Variants in TUSC3 observed in about 807,000 individuals in gnomAD.
TUSC3 encodes the protein tumor suppressor candidate 3.
In TUSC3, 45 loss-of-function variants were observed where a neutral mutation model predicts 44.8. That is an observed-to-expected ratio of 1.00 (90% CI 0.79 to 1.29). The LOEUF is 1.29. Among genes scored for constraint, TUSC3 ranks in the 50% most tolerant of loss-of-function variants. The pLI, the probability that TUSC3 is intolerant of heterozygous loss-of-function variation, is 0.00. For synonymous variants in TUSC3, 212 were observed against 152.9 expected, an observed-to-expected ratio of 1.39 and a Z score of -2.85; for missense variants, 519 against 437.9, an observed-to-expected ratio of 1.19 and a Z score of -1.65.
intron 5 of TUSC3, among the ~76,000 whole-genome samples, chr8:15,668,597 C>G (rs1488257257): frequency 6.6e-6 from 1 of 151,678 alleles, no homozygotes; most frequent in Non-Finnish European, 1.5e-5. Context: ...CTTTGATGAA[C>G]ATATGTCCAA....
intron 1 of TUSC3, among the ~76,000 whole-genome samples, chr8:15,434,909 C>T (rs944643977): frequency 2.6e-5 from 4 of 151,642 alleles, no homozygotes; most frequent in African/African-American, 4.9e-5. Flanking sequence ...TGTATATGTG[C>T]CACATTTTCT....
chr8:15,756,396 T>C (rs1811929793), intron 9 of TUSC3, among the ~76,000 whole-genome samples: 1 of 152,120 alleles, frequency 6.6e-6, no homozygotes, highest in Admixed American at 6.5e-5. Context: ...ATGTAGTAGG[T>C]TCTCAATAAA....
intron 6 of TUSC3, among the ~76,000 whole-genome samples, chr8:15,724,045 C>T (rs1810406449): frequency 6.6e-6 from 1 of 152,082 alleles, no homozygotes; most frequent in Non-Finnish European, 1.5e-5. Context: ...TAAATAAGCT[C>T]ATGAGAGAAG....
chr8:15,478,225 C>T (rs1424478180), intron 1 of TUSC3, among the ~76,000 whole-genome samples: 1 of 152,152 alleles, frequency 6.6e-6, no homozygotes, highest in Non-Finnish European at 1.5e-5. Flanking sequence ...CTCAGCCTCC[C>T]AAAGTGCTGG....
the TUSC3 span, among the ~76,000 whole-genome samples, chr8:15,825,774 G>A: frequency 6.6e-6 from 1 of 151,842 alleles, no homozygotes; most frequent in African/African-American, 2.4e-5. Flanking sequence ...TTTTGCCCAG[G>A]TATTTTGTTG....
chr8:15,841,519 A>T, the TUSC3 span, among the ~76,000 whole-genome samples: 293 of 146,544 alleles, frequency 2.0e-3, 1 homozygote, highest in African/African-American at 2.7e-3. Context: ...ATGAGACAAA[A>T]TTTTTTTTTT....
the TUSC3 span, among the ~76,000 whole-genome samples, chr8:15,786,646 A>G: frequency 6.6e-6 from 1 of 152,042 alleles, no homozygotes; most frequent in East Asian, 1.9e-4. Flanking sequence ...AAAACTCATT[A>G]AAGATAGACT....
intron 6 of TUSC3, among the ~76,000 whole-genome samples, chr8:15,722,350 T>C (rs1325641759): frequency 6.6e-6 from 1 of 151,944 alleles, no homozygotes; most frequent in Admixed American, 6.6e-5. Flanking sequence ...TCCATTTTAC[T>C]ATCAGGACAG....
intron 1 of TUSC3, among the ~76,000 whole-genome samples, chr8:15,616,963 C>T (rs569025529): frequency 6.6e-6 from 1 of 152,234 alleles, no homozygotes; most frequent in Non-Finnish European, 1.5e-5. Context: ...CCCAGCAAAG[C>T]CTGATCAGAG....
intron 2 of TUSC3, among the ~76,000 whole-genome samples, chr8:15,508,327 C>T (rs920154958): frequency 1.3e-5 from 2 of 151,866 alleles, no homozygotes; most frequent in Admixed American, 1.3e-4. Flanking sequence ...GATGTGATAT[C>T]CTATTAACTG....
chr8:15,662,163 T>G lies in TUSC3; in HGVS notation c.575T>G (p.Val192Gly), dbSNP rs2129180003. 1 of 1,612,844 alleles carries G rather than the reference T, an allele frequency of 6.2e-7. No homozygotes were observed. The highest frequency in any genetic ancestry group is 1.3e-5 in the African/African-American group (1 of 74,954). ...TCTATTGCATTTTTGCAGATTCGGGTTTTCAGACCACCCAACTACTCTGGT... is the reference window on the plus strand; with the variant it reads ...TCTATTGCATTTTTGCAGATTCGGGGTTTCAGACCACCCAACTACTCTGGT... ...IADRTDVHIRVFRPPNYSGTI... is the reference protein window; with the variant it reads ...IADRTDVHIRGFRPPNYSGTI... The change falls in exon 5 of 11, where the codon GTT becomes GGT. Residue 192 changes from valine to glycine, a missense_variant. Val to Gly is a moderately radical substitution (Grantham distance 109). Transcript: ENST00000503731.
chr8:15,747,034 T>C (rs1181972812), intron 8 of TUSC3, among the ~76,000 whole-genome samples: 1 of 152,100 alleles, frequency 6.6e-6, no homozygotes, highest in Non-Finnish European at 1.5e-5. Context: ...GAGGCTACAC[T>C]TGGATGCTAT....
chr8:15,774,434 T>C, the TUSC3 span, among the ~76,000 whole-genome samples: 1 of 152,036 alleles, frequency 6.6e-6, no homozygotes, highest in Non-Finnish European at 1.5e-5. Flanking sequence ...CATATAAAGA[T>C]GGATGATTCG....
the TUSC3 span, among the ~76,000 whole-genome samples, chr8:15,783,409 T>C: frequency 1.3e-5 from 2 of 152,148 alleles, no homozygotes; most frequent in African/African-American, 4.8e-5. Context: ...AAATCCTAAA[T>C]AGCTGAAGCA....
chr8:15,609,658 C>T (rs1431168512), intron 1 of TUSC3, among the ~76,000 whole-genome samples: 1 of 151,946 alleles, frequency 6.6e-6, no homozygotes, highest in Non-Finnish European at 1.5e-5. Context: ...GAGAAAGTAT[C>T]ATGATTCCCA....
At chr8:15,553,211 G>A (rs1257230154) in intron 1 of TUSC3, among the ~76,000 whole-genome samples, 3 of 151,732 alleles carry the variant, frequency 2.0e-5, no homozygotes, top group African/African-American at 4.8e-5. Context: ...GATCTGGGCT[G>A]ATGATAAAAT....
chr8:15,649,622 G>A (rs546753757), intron 2 of TUSC3, among the ~76,000 whole-genome samples: 1 of 151,308 alleles, frequency 6.6e-6, no homozygotes, highest in Non-Finnish European at 1.5e-5. Context: ...TATGACATCT[G>A]TTTTTAGCTT....
At chr8:15,719,713 A>C (rs1810221564) in intron 6 of TUSC3, among the ~76,000 whole-genome samples, 1 of 152,100 alleles carries the variant, frequency 6.6e-6, no homozygotes, top group African/African-American at 2.4e-5. Flanking sequence ...TTTTCTAAAA[A>C]CTTTAACTTA....
At chr8:15,772,001 A>G in the TUSC3 span, among the ~76,000 whole-genome samples, 1 of 152,176 alleles carries the variant, frequency 6.6e-6, no homozygotes, top group Non-Finnish European at 1.5e-5. Flanking sequence ...AGGCAGGAGA[A>G]TGGCGTGAAC....
Sources: allele counts gnomAD v4.1 joint callset (sites outside exome capture counted in the v4.1 genomes callset), GRCh38; gene constraint gnomAD v4.1.1; transcripts MANE v1.5; gene names NCBI Gene and HGNC (gene_info 2026-07-23, HGNC 2026-07-21).